CNTN3: variants seen among roughly 807,000 people sequenced by gnomAD.
The protein encoded by CNTN3 is contactin-3.
In CNTN3, 60 loss-of-function variants were observed where a neutral mutation model predicts 119.1. The observed-to-expected ratio is 0.50, with a 90% CI of 0.41 to 0.62. The LOEUF (loss-of-function observed/expected upper bound fraction) is 0.62, where lower values mean the gene tolerates loss of function less well. Ranked by LOEUF, CNTN3 falls within the 20% of genes least tolerant of loss-of-function variation. The probability of loss-of-function intolerance (pLI) is 0.00; values close to 1 mark genes in which losing one functional copy is unlikely to be tolerated. For synonymous variants in CNTN3, 450 were observed against 438.7 expected, an observed-to-expected ratio of 1.03 and a Z score of -0.32; for missense variants, 1,101 against 1,242.4, an observed-to-expected ratio of 0.89 and a Z score of 1.71.
At chr3:74,321,517 C>T (rs1702989223) in intron 13 of CNTN3, among the ~76,000 whole-genome samples, 1 of 151,596 alleles carries the variant, frequency 6.6e-6, no homozygotes, top group African/African-American at 2.4e-5. Flanking sequence ...AAAAATAGAG[C>T]AAATCAGATC....
chr3:74,561,662 A>T (rs1287408828), intron 1 of CNTN3, among the ~76,000 whole-genome samples: 1 of 152,050 alleles, frequency 6.6e-6, no homozygotes, highest in Non-Finnish European at 1.5e-5. Context: ...CTTTCCTCAG[A>T]TCAATTATTC....
chr3:74,396,471 C>T (rs868671199), intron 5 of CNTN3, among the ~76,000 whole-genome samples: 2 of 152,240 alleles, frequency 1.3e-5, no homozygotes, highest in Middle Eastern at 6.8e-3. Flanking sequence ...TAACTTTCTT[C>T]AACTTTATAA....
intron 1 of CNTN3, among the ~76,000 whole-genome samples, chr3:74,572,937 C>T (rs4676980): frequency 0.8 from 122,296 of 152,184 alleles, 49,284 homozygotes; most frequent in African/African-American, 0.85. Context: ...CATGGCTGCC[C>T]GGGCAGTGCC....
At chr3:74,598,428 T>G (rs1704848839) in intron 1 of CNTN3, among the ~76,000 whole-genome samples, 1 of 152,054 alleles carries the variant, frequency 6.6e-6, no homozygotes, top group Non-Finnish European at 1.5e-5. Context: ...AGAGCCTTCT[T>G]CAAACTCCAA....
intron 5 of CNTN3, among the ~76,000 whole-genome samples, chr3:74,410,777 C>T (rs1002711298): frequency 1.3e-5 from 2 of 152,228 alleles, no homozygotes; most frequent in South Asian, 2.1e-4. Flanking sequence ...CACCAGAAAA[C>T]ACCAGCCTGT....
At position 74,298,191 on chromosome 3, in the gene CNTN3, G is replaced by C; in HGVS notation, c.2167C>G (p.Pro723Ala). 1.3e-6 allele frequency: 2 copies of C among 1,563,792 alleles called. No homozygotes were observed. Among genetic ancestry groups the C allele is most frequent in the Non-Finnish European group, 1.7e-6 (2 of 1,152,342 alleles). Residue 723 changes from proline (P) to alanine (A), a missense_variant and splice_region_variant, in exon 18 of 23, where the codon CCA (proline) becomes GCA (alanine). Physicochemically the swap from Pro to Ala is conservative, Grantham distance 27 (BLOSUM62 -1). Coordinates refer to ENST00000263665, the MANE Select transcript of CNTN3 (RefSeq NM_020872.3). ...CCATTCTGTAGTTCTTCAGGGACTGGCTATAAAGGAAAGACATACTGAATC... is the reference window on the plus strand; with the variant it reads ...CCATTCTGTAGTTCTTCAGGGACTGCCTATAAAGGAAAGACATACTGAATC... ...SRSELVITWD[P>A]VPEELQNGEG...
intron 1 of CNTN3, among the ~76,000 whole-genome samples, chr3:74,546,472 C>T (rs542114596): frequency 1.3e-5 from 2 of 152,126 alleles, no homozygotes; most frequent in African/African-American, 4.8e-5. Flanking sequence ...TGGGTGGGCA[C>T]AATCTAATCA....
At chr3:74,469,726 T>C (rs186787666) in intron 4 of CNTN3, among the ~76,000 whole-genome samples, 13 of 152,258 alleles carry the variant, frequency 8.5e-5, no homozygotes, top group Admixed American at 5.9e-4. Flanking sequence ...GTGGAGGAGA[T>C]GGAACCCTCA....
chr3:74,418,608 T>C (rs1029045449), intron 5 of CNTN3, among the ~76,000 whole-genome samples: 1 of 151,974 alleles, frequency 6.6e-6, no homozygotes, highest in Non-Finnish European at 1.5e-5. Context: ...CCCAAAATGT[T>C]AGGATTACAG....
At chr3:74,536,769 A>G (rs747227274) in intron 1 of CNTN3, among the ~76,000 whole-genome samples, 7 of 152,080 alleles carry the variant, frequency 4.6e-5, no homozygotes, top group Non-Finnish European at 1.0e-4. Context: ...CAAGCCTATT[A>G]TTTCAGAGTA....
intron 1 of CNTN3, among the ~76,000 whole-genome samples, chr3:74,547,475 T>G (rs1559653195): frequency 6.6e-6 from 1 of 152,154 alleles, no homozygotes; most frequent in Non-Finnish European, 1.5e-5. Flanking sequence ...GAAAAAACAT[T>G]ATTTTACTGA....
At chr3:74,539,588 GA>G (rs917821150) in intron 1 of CNTN3, among the ~76,000 whole-genome samples, 20 of 149,872 alleles carry the variant, frequency 1.3e-4, no homozygotes, top group East Asian at 9.8e-4. Context: ...CTTCTGGGAT[GA>G]AAAAAAAAAT....
chr3:74,425,008 C>T (rs1701674075), intron 4 of CNTN3, 68 bp from the exon 5 acceptor site: 1 of 1,026,298 alleles, frequency 9.7e-7, no homozygotes, highest in South Asian at 1.6e-5. Context: ...TACACCAAGA[C>T]CTTCCTTTCT....
At chr3:74,285,110 A>T (rs1440952759) in intron 20 of CNTN3, among the ~76,000 whole-genome samples, 195 bp downstream of exon 20, 1 of 152,054 alleles carries the variant, frequency 6.6e-6, no homozygotes, top group East Asian at 1.9e-4. Flanking sequence ...TCATTTTCAC[A>T]CTCTACCTAA....
chr3:74,268,676 CA>C (rs533314045), intron 20 of CNTN3, among the ~76,000 whole-genome samples: 60 of 152,118 alleles, frequency 3.9e-4, no homozygotes, highest in African/African-American at 1.4e-3. Context: ...CTAATAACAA[CA>C]AAAAAATTAT....
At chr3:74,613,495 G>C (rs1047362883) in intron 1 of CNTN3, among the ~76,000 whole-genome samples, 2 of 151,946 alleles carry the variant, frequency 1.3e-5, no homozygotes, top group African/African-American at 4.8e-5. Flanking sequence ...CTGAAAGGAG[G>C]TTTGCTGTCC....
At chr3:74,455,141 T>C (rs1416953726) in intron 4 of CNTN3, among the ~76,000 whole-genome samples, 6 of 152,096 alleles carry the variant, frequency 3.9e-5, no homozygotes, top group South Asian at 2.1e-4. Context: ...CTTTCAGGTA[T>C]ACCAATCAGA....
At chr3:74,511,426 C>T (rs528178656) in intron 2 of CNTN3, among the ~76,000 whole-genome samples, 3 of 152,118 alleles carry the variant, frequency 2.0e-5, no homozygotes, top group Non-Finnish European at 2.9e-5. Flanking sequence ...TCCTTCAAGG[C>T]ATAAAGTCTT....
In CNTN3 at chr3:74,336,571, C is replaced by G. The variant is rs767935824; in HGVS notation, c.1452G>C (p.Gln484His). The G allele has an allele frequency of 6.2e-7, 1 of 1,612,876 alleles. No homozygotes were observed. The highest frequency in any genetic ancestry group is 8.5e-7 in the Non-Finnish European group (1 of 1,179,104). Residue 484 changes from glutamine to histidine, a missense_variant, in exon 12 of 23, where the codon CAG becomes CAC. By Grantham distance (24) the Gln-to-His change is conservative. Transcript: ENST00000263665. Reference protein sequence around the residue: ...AGTYTCMAENQFGKANGTTHL... With the variant: ...AGTYTCMAENHFGKANGTTHL... ...GTGTTGTGCCATTTGCTTTCCCAAA[C>G]TGGTTTTCTGCCATGCAGGTGTAAG...
Sources: allele counts gnomAD v4.1 joint callset (sites outside exome capture counted in the v4.1 genomes callset), GRCh38; gene constraint gnomAD v4.1.1; transcripts MANE v1.5; gene names NCBI Gene and HGNC (gene_info 2026-07-23, HGNC 2026-07-21).